The following RPL22 variants were observed in gnomAD, a reference collection of about 807,000 sequenced individuals.
RPL22 encodes ribosomal protein L22, also known as large ribosomal subunit protein eL22.
A neutral mutation model predicts 16.2 loss-of-function variants in RPL22; 4 were observed. The ratio of observed to expected loss-of-function variants is 0.25; its 90% CI spans 0.12 to 0.57. The LOEUF (loss-of-function observed/expected upper bound fraction) is 0.57, where lower values mean the gene tolerates loss of function less well. Among genes scored for constraint, RPL22 ranks in the 20% least tolerant of loss-of-function variants. The probability of loss-of-function intolerance (pLI) is 0.92; values close to 1 mark genes in which losing one functional copy is unlikely to be tolerated. For missense variants in RPL22, 83 were observed against 156.1 expected (o/e 0.53, Z 2.49); for synonymous variants, 43 against 54.8 (o/e 0.78, Z 0.95).
At chr1:6,191,406 G>A (rs1387307217) in intron 3 of RPL22, among the ~76,000 whole-genome samples, 1 of 139,924 alleles carries the variant, frequency 7.1e-6, no homozygotes, top group Non-Finnish European at 1.5e-5. Context: ...AGTGGCTCAC[G>A]CCTGTAATCC....
chr1:6,195,645 G>A lies in RPL22; in HGVS notation c.117+2007C>T, dbSNP rs370979341. The stretch of plus-strand genomic sequence containing the variant: ...CACACGCCTGTAATCTCAGCTACTC[G>A]GGAGGCTGAGAAAGAGAATCACTTA... On this transcript the variant is annotated intron_variant, in intron 2 of 3. Transcript: ENST00000234875. Among the ~76,000 whole-genome samples the A allele has an allele frequency of 3.3e-5, 5 of 151,784 alleles. No homozygotes were observed. In the South Asian group the frequency reaches 8.3e-4, roughly 25 times the overall value.
chr1:6,194,063 G>A (rs1276526760), intron 2 of RPL22, among the ~76,000 whole-genome samples: 9 of 152,094 alleles, frequency 5.9e-5, no homozygotes, highest in East Asian at 1.9e-4. Context: ...AATATTAGCC[G>A]GGTGTGGTGG....
chr1:6,199,289 G>A, intron 1 of RPL22: 5 of 788,930 alleles, frequency 6.3e-6, no homozygotes, highest in Non-Finnish European at 8.6e-6. Flanking sequence ...GGCCCAGACC[G>A]CAGTCTCCAG....
intron 3 of RPL22, among the ~76,000 whole-genome samples, chr1:6,192,023 C>G (rs1013311499): frequency 6.7e-6 from 1 of 150,318 alleles, no homozygotes; most frequent in African/African-American, 2.4e-5. Context: ...AAAGTAAGCT[C>G]TTACTGTGAT....
chr1:6,199,548 G>A lies in RPL22; in HGVS notation c.12+14C>T, dbSNP rs750944709. 2 of 1,561,288 alleles carry A rather than the reference G, an allele frequency of 1.3e-6. No homozygotes were observed. The highest frequency in any genetic ancestry group is 2.4e-5 in the East Asian group (1 of 41,708). On this transcript the variant is annotated intron_variant, in intron 1 of 3. Coordinates refer to ENST00000234875, the MANE Select transcript of RPL22 (RefSeq NM_000983.4). ...CTCCCCTGGAGCCGAGGCCTCACGC[G>A]GAGCCATACTAACCACAGGAGCCAT...
intron 1 of RPL22, 154 bp downstream of exon 1, chr1:6,199,408 T>C: frequency 7.3e-7 from 1 of 1,375,850 alleles, no homozygotes; most frequent in East Asian, 2.7e-5. Flanking sequence ...CGTGCTGGGA[T>C]CGGCAGGGGC....
At chr1:6,199,248 GC>G in intron 1 of RPL22, 1 of 433,462 alleles carries the variant, frequency 2.3e-6, no homozygotes, top group Non-Finnish European at 3.7e-6. Flanking sequence ...AGGTAATCAG[GC>G]CCCCGGCCGG....
chr1:6,192,522 A>T (rs1474047013), intron 3 of RPL22, among the ~76,000 whole-genome samples: 2 of 151,872 alleles, frequency 1.3e-5, no homozygotes, highest in Non-Finnish European at 2.9e-5. Flanking sequence ...ACATGGTGAA[A>T]CCCCCGTTTC....
intron 2 of RPL22, among the ~76,000 whole-genome samples, chr1:6,196,322 A>G (rs759155330): frequency 2.6e-5 from 4 of 152,194 alleles, no homozygotes; most frequent in Non-Finnish European, 4.4e-5. Context: ...GGAAGACACC[A>G]AAGTTGAAAA....
chr1:6,199,547 C>CGGAGCCATACTAACCACA lies in RPL22; in HGVS notation c.9_12+14dup. ...CCTCCCCTGGAGCCGAGGCCTCACG[C>CGGAGCCATACTAACCACA]GGAGCCATACTAACCACAGGAGCCA... On this transcript the variant is annotated intron_variant, in intron 1 of 3. Transcript: ENST00000234875. 1 of 1,560,480 alleles carries CGGAGCCATACTAACCACA rather than the reference C, an allele frequency of 6.4e-7. No homozygotes were observed. Among genetic ancestry groups the CGGAGCCATACTAACCACA allele is most frequent in the Non-Finnish European group, 8.7e-7 (1 of 1,152,412 alleles).
chr1:6,186,839 C>T (rs759333777), intron 3 of RPL22, 23 bp from the exon 4 acceptor site: 1 of 1,610,150 alleles, frequency 6.2e-7, no homozygotes, highest in South Asian at 1.1e-5. Flanking sequence ...GACACAAGAA[C>T]TCCACTAGAC....
intron 3 of RPL22, among the ~76,000 whole-genome samples, chr1:6,189,612 T>TTAAAAAAAAAAA (rs756672318): frequency 1.6e-5 from 2 of 125,802 alleles, no homozygotes; most frequent in African/African-American, 5.8e-5. Context: ...AAAATCAGGT[T>TTAAAAAAAAAAA]AAAAAAAAAA....
At position 6,186,106 on chromosome 1, in the gene RPL22, A is replaced by G. The variant is rs1667578824; in HGVS notation, c.*566T>C. ...TACAATCGATTCCCCAAACCCCTTTATGGCAGCAACACTGAAGGAGCACAG... is the reference window on the plus strand; with the variant it reads ...TACAATCGATTCCCCAAACCCCTTTGTGGCAGCAACACTGAAGGAGCACAG... On this transcript the variant is annotated 3_prime_UTR_variant, in exon 4 of 4. Coordinates refer to ENST00000234875, the MANE Select transcript of RPL22 (RefSeq NM_000983.4). 1 of 232,394 alleles carries G rather than the reference A, an allele frequency of 4.3e-6. No individual in the cohort carries two copies. The highest frequency in any genetic ancestry group is 6.1e-5 in the East Asian group (1 of 16,378). 14.4% of individuals were successfully genotyped at this position (232,394 alleles called of 1,614,324 possible).
rs1421076074 is a variant in RPL22, at chr1:6,185,361, G to A, written c.*1311C>T. 1.8e-5 allele frequency: 7 copies of A among 398,902 alleles called. No individual in the cohort carries two copies. Among genetic ancestry groups the A allele is most frequent in the Admixed American group, 4.4e-5 (1 of 22,712 alleles). 24.7% of individuals were successfully genotyped at this position (398,902 alleles called of 1,614,324 possible). On this transcript the variant is annotated 3_prime_UTR_variant, in exon 4 of 4. Transcript: ENST00000234875. The stretch of plus-strand genomic sequence containing the variant: ...TGAAAGAAACTCTGCTTTCTGTGAC[G>A]GCAGAGAAGAAATATGCAAGCAATT...
Position 6,186,167 on chromosome 1 carries a change from A to G in RPL22, c.*505T>C, listed in dbSNP as rs1184769291. 8.5e-6 allele frequency: 2 copies of G among 236,062 alleles called. No individual in the cohort carries two copies. The highest frequency in any genetic ancestry group is 2.2e-5 in the African/African-American group (1 of 45,312). The allele number at this position is 236,062 out of a possible 1,614,324, so 14.6% of individuals were successfully genotyped here. A position where few individuals can be genotyped will look rare whatever the true frequency, so the allele number is the denominator to read the frequency against. ...TAGGAAGAAGAGGATTAGCAGACAT[A>G]ATTGTGTGCGTCAAGAGAAATTTGT... On this transcript the variant is annotated 3_prime_UTR_variant, in exon 4 of 4. Transcript: ENST00000234875.
At chr1:6,193,874 G>A (rs1045744924) in intron 2 of RPL22, among the ~76,000 whole-genome samples, 2 of 152,184 alleles carry the variant, frequency 1.3e-5, no homozygotes. Flanking sequence ...AGGCCGACTG[G>A]GCCTCGCCAC....
intron 2 of RPL22, among the ~76,000 whole-genome samples, chr1:6,197,375 G>A (rs1468885294): frequency 6.6e-6 from 1 of 152,134 alleles, no homozygotes; most frequent in African/African-American, 2.4e-5. Flanking sequence ...GAAACTAAAG[G>A]AGAAAAACAA....
intron 3 of RPL22, among the ~76,000 whole-genome samples, chr1:6,188,820 G>A (rs1243048475): frequency 4.7e-5 from 7 of 147,748 alleles, no homozygotes; most frequent in Middle Eastern, 3.6e-3. Flanking sequence ...ACGGAGTTTC[G>A]CTCTTGTTGC....
intron 3 of RPL22, among the ~76,000 whole-genome samples, chr1:6,189,309 A>G (rs1255567843): frequency 1.3e-5 from 2 of 152,196 alleles, no homozygotes; most frequent in Non-Finnish European, 2.9e-5. Context: ...AGATAAATCA[A>G]TTTGGTCATT....
Sources: gnomAD v4.1 joint callset for allele counts (sites outside exome capture counted in the v4.1 genomes callset) on GRCh38, gnomAD v4.1.1 for gene constraint, MANE v1.5 for transcripts, NCBI Gene and HGNC (gene_info 2026-07-23, HGNC 2026-07-21) for gene names.